Variants in CERS3 observed in about 807,000 individuals in gnomAD.
The protein encoded by CERS3 is LAG1 homolog, ceramide synthase 3.
A neutral mutation model predicts 50.3 loss-of-function variants in CERS3; 33 were observed. The ratio of observed to expected loss-of-function variants is 0.66; its 90% CI spans 0.50 to 0.88. The LOEUF (loss-of-function observed/expected upper bound fraction) is 0.88, where lower values mean the gene tolerates loss of function less well. Ranked by LOEUF, CERS3 falls within the 40% of genes least tolerant of loss-of-function variation. The pLI is 0.00. For synonymous variants in CERS3, 176 were observed against 155.2 expected (o/e 1.13, Z -0.99); for missense variants, 470 against 460.3 (o/e 1.02, Z -0.19).
At chr15:100,465,844 A>C (rs892854716) in intron 10 of CERS3, among the ~76,000 whole-genome samples, 1 of 152,060 alleles carries the variant, frequency 6.6e-6, no homozygotes, top group Admixed American at 6.5e-5. Context: ...TTTTTAGTAG[A>C]GATGGGGTTT....
chr15:100,529,533 C>A (rs1275144589), upstream of CERS3, among the ~76,000 whole-genome samples: 1 of 152,208 alleles, frequency 6.6e-6, no homozygotes, highest in African/African-American at 2.4e-5. Flanking sequence ...TAAGAACAAT[C>A]ATCATAGACA....
chr15:100,527,842 A>T (rs1446687224), intron 1 of CERS3, among the ~76,000 whole-genome samples: 3 of 152,146 alleles, frequency 2.0e-5, no homozygotes, highest in African/African-American at 7.2e-5. Flanking sequence ...AGGGCCACAT[A>T]ATTATTACCT....
In CERS3 at chr15:100,420,223, A is replaced by G. The variant is rs1287278763; in HGVS notation, c.1000-17358T>C. Among the ~76,000 whole-genome samples the G allele has an allele frequency of 1.7e-3, 244 of 144,348 alleles. 1 individual carries two copies. Among genetic ancestry groups the G allele is most frequent in the African/African-American group, 6.0e-3 (236 of 39,080 alleles). The allele number at this position is 144,348 out of a possible 152,430, so 94.7% of individuals were successfully genotyped here. On this transcript the variant is annotated intron_variant, in intron 11 of 11. Coordinates refer to ENST00000679737, the MANE Select transcript of CERS3 (RefSeq NM_001378789.1). ...AAAAAAAGAGAGAAGAATCAAATAG[A>G]CGCAATAAAAAATGATAAAGGGGAT...
chr15:100,531,162 A>C (rs543925428), upstream of CERS3, among the ~76,000 whole-genome samples: 332 of 152,346 alleles, frequency 2.2e-3, 2 homozygotes, highest in Non-Finnish European at 3.7e-3. Flanking sequence ...AGTTACTTCT[A>C]CAATGAAACA....
At chr15:100,452,721 T>C (rs2034216267) in intron 11 of CERS3, among the ~76,000 whole-genome samples, 1 of 151,964 alleles carries the variant, frequency 6.6e-6, no homozygotes, top group African/African-American at 2.4e-5. Context: ...AGAAGTTAGT[T>C]TTTGAAAAGA....
At chr15:100,463,796 T>C (rs907898397) in intron 10 of CERS3, among the ~76,000 whole-genome samples, 11 of 152,160 alleles carry the variant, frequency 7.2e-5, no homozygotes, top group African/African-American at 2.4e-4. Flanking sequence ...TTCCTTTTCT[T>C]TGCTGGTTGC....
chr15:100,505,299 G>A (rs768097550), intron 2 of CERS3, among the ~76,000 whole-genome samples: 1 of 152,124 alleles, frequency 6.6e-6, no homozygotes, highest in Non-Finnish European at 1.5e-5. Context: ...GAAATATAAC[G>A]AATCAAATAG....
chr15:100,483,317 T>G (rs766072521), intron 5 of CERS3, among the ~76,000 whole-genome samples: 3 of 152,170 alleles, frequency 2.0e-5, no homozygotes, highest in Non-Finnish European at 2.9e-5. Context: ...TAATCTGGCC[T>G]CCCTAATTCA....
intron 11 of CERS3, among the ~76,000 whole-genome samples, chr15:100,413,680 TG>T (rs1047830875): frequency 6.6e-6 from 1 of 151,012 alleles, no homozygotes; most frequent in Admixed American, 6.6e-5. Flanking sequence ...GGTGAGCATG[TG>T]GGGAAAAAGA....
chr15:100,482,423 C>G (rs1000153963), intron 5 of CERS3, among the ~76,000 whole-genome samples: 1 of 152,078 alleles, frequency 6.6e-6, no homozygotes, highest in East Asian at 1.9e-4. Flanking sequence ...TAGAGTGGGC[C>G]GTGGACTGCA....
chr15:100,404,942 A>G (rs1404676566), intron 11 of CERS3, among the ~76,000 whole-genome samples: 5 of 152,218 alleles, frequency 3.3e-5, no homozygotes, highest in Admixed American at 1.3e-4. Flanking sequence ...CTTTGACTAA[A>G]ATGTCATACA....
intron 11 of CERS3, among the ~76,000 whole-genome samples, chr15:100,424,577 T>C (rs944429101): frequency 6.6e-6 from 1 of 152,214 alleles, no homozygotes; most frequent in African/African-American, 2.4e-5. Flanking sequence ...TGACTGGCAT[T>C]ATGCCCCTGC....
At chr15:100,509,170 A>T (rs1179765238) in intron 2 of CERS3, among the ~76,000 whole-genome samples, 3 of 152,102 alleles carry the variant, frequency 2.0e-5, no homozygotes, top group Non-Finnish European at 4.4e-5. Flanking sequence ...TGGGTATAGA[A>T]CCCAATGTGT....
chr15:100,466,125 C>G lies in CERS3; in HGVS notation c.845+3253G>C, dbSNP rs533263586. ...CATGTAACTCAATTCTCCTTGAAAA[C>G]CAGAAATGCTGGCATGAGAATGAGT... On this transcript the variant is annotated intron_variant, in intron 10 of 11. Coordinates refer to ENST00000679737, the MANE Select transcript of CERS3 (RefSeq NM_001378789.1). Among the ~76,000 whole-genome samples the G allele has an allele frequency of 4.0e-4, 61 of 152,114 alleles. 1 individual carries two copies. Among genetic ancestry groups the G allele is most frequent in the Non-Finnish European group, 8.5e-4 (58 of 68,028 alleles).
intron 9 of CERS3, among the ~76,000 whole-genome samples, chr15:100,469,725 T>C (rs189186873): frequency 6.6e-6 from 1 of 152,330 alleles, no homozygotes; most frequent in African/African-American, 2.4e-5. Flanking sequence ...CATAATATAA[T>C]GTTTTTTAGA....
chr15:100,490,274 T>C (rs2035612440), intron 4 of CERS3, among the ~76,000 whole-genome samples: 1 of 152,206 alleles, frequency 6.6e-6, no homozygotes, highest in Non-Finnish European at 1.5e-5. Context: ...GGAAACTTTA[T>C]ATTGTGAAGA....
At chr15:100,454,157 A>G (rs980994516) in intron 11 of CERS3, among the ~76,000 whole-genome samples, 3 of 152,166 alleles carry the variant, frequency 2.0e-5, no homozygotes, top group African/African-American at 7.2e-5. Context: ...TTGGGAGGCC[A>G]AGGCAAGAGA....
At chr15:100,491,955 G>A (rs2035667164) in intron 3 of CERS3, among the ~76,000 whole-genome samples, 1 of 150,752 alleles carries the variant, frequency 6.6e-6, no homozygotes, top group African/African-American at 2.4e-5. Flanking sequence ...CCAACTCCTA[G>A]TCTTAAGTGA....
intron 11 of CERS3, among the ~76,000 whole-genome samples, chr15:100,442,830 C>G (rs1490126571): frequency 6.6e-6 from 1 of 152,202 alleles, no homozygotes; most frequent in African/African-American, 2.4e-5. Flanking sequence ...GTAACTCTCA[C>G]AGTGGAAGGT....
Sources: allele counts gnomAD v4.1 joint callset (sites outside exome capture counted in the v4.1 genomes callset), GRCh38; gene constraint gnomAD v4.1.1; transcripts MANE v1.5; gene names NCBI Gene and HGNC (gene_info 2026-07-23, HGNC 2026-07-21).